The following MYOF variants were observed in gnomAD, a reference collection of about 807,000 sequenced individuals.
MYOF encodes the protein fer-1-like 3, myoferlin.
A neutral mutation model predicts 284.2 loss-of-function variants in MYOF; 244 were observed. That is an observed-to-expected ratio of 0.86 (90% CI 0.77 to 0.95). MYOF has a LOEUF of 0.95. Ranked by LOEUF, MYOF falls within the 40% of genes least tolerant of loss-of-function variation. The pLI is 0.00. For synonymous variants in MYOF, 904 were observed against 919.7 expected (o/e 0.98, Z 0.31); for missense variants, 2,496 against 2,560.6 (o/e 0.97, Z 0.54).
At chr10:93,329,535 T>G in intron 44 of MYOF, 129 bp downstream of exon 44, 1 of 898,144 alleles carries the variant, frequency 1.1e-6, no homozygotes, top group Non-Finnish European at 1.6e-6. Flanking sequence ...ATCCTGCGAT[T>G]GAAATCCATA....
chr10:93,480,888 C>T (rs951921200), intron 1 of MYOF, among the ~76,000 whole-genome samples: 1 of 152,084 alleles, frequency 6.6e-6, no homozygotes, highest in African/African-American at 2.4e-5. Context: ...GGTATAGATG[C>T]CTCAGGAACT....
At position 93,340,144 on chromosome 10, in the gene MYOF, C is replaced by T; in HGVS notation, c.4338+9G>A. On this transcript the variant is annotated intron_variant, in intron 39 of 53. Coordinates refer to ENST00000359263, the MANE Select transcript of MYOF (RefSeq NM_013451.4). Reference sequence around the variant, plus strand: ...ATCTTAAATGTAGCAAAATGTATACCATAGTTACCTTTTCTGTCAGCTGCT... The same window carrying T: ...ATCTTAAATGTAGCAAAATGTATACTATAGTTACCTTTTCTGTCAGCTGCT... 1.2e-6 allele frequency: 2 copies of T among 1,613,578 alleles called. No individual in the cohort carries two copies. Among genetic ancestry groups the T allele is most frequent in the Non-Finnish European group, 1.7e-6 (2 of 1,179,744 alleles).
At chr10:93,364,121 C>T (rs762413383) in intron 26 of MYOF, 46 bp from the exon 27 acceptor site, 27 of 1,525,106 alleles carry the variant, frequency 1.8e-5, no homozygotes, top group Middle Eastern at 1.7e-4. Context: ...ACCGGGTAAC[C>T]GGCAGCCTCG....
chr10:93,316,690 CAAT>C (rs762892713), intron 50 of MYOF, 21 bp downstream of exon 50: 1 of 1,565,450 alleles, frequency 6.4e-7, no homozygotes, highest in African/African-American at 1.4e-5. Flanking sequence ...TTCTTAGAAA[CAAT>C]GATCCAAATG....
At chr10:93,346,400 G>T (rs76521647) in intron 37 of MYOF, among the ~76,000 whole-genome samples, 5 of 152,234 alleles carry the variant, frequency 3.3e-5, no homozygotes, top group Non-Finnish European at 5.9e-5. Context: ...AGGATCAGCC[G>T]AATGAGGCTG....
chr10:93,452,884 C>T (rs2056634730), intron 2 of MYOF, among the ~76,000 whole-genome samples: 2 of 151,970 alleles, frequency 1.3e-5, no homozygotes, highest in South Asian at 2.1e-4. Flanking sequence ...CCACCATGGT[C>T]GGTCAATGCT....
chr10:93,333,462 GC>G (rs1843433621), intron 42 of MYOF, 150 bp from the exon 43 acceptor site: 9 of 705,656 alleles, frequency 1.3e-5, no homozygotes, highest in Non-Finnish European at 2.0e-5. Flanking sequence ...AGGGAGCAAT[GC>G]TCTCCTTTGG....
chr10:93,414,317 A>T (rs1024157115), intron 5 of MYOF, among the ~76,000 whole-genome samples: 7 of 151,962 alleles, frequency 4.6e-5, no homozygotes, highest in African/African-American at 1.5e-4. Context: ...CGGGTGGATC[A>T]CCTGAGGCCA....
chr10:93,409,798 G>T (rs938289483), intron 5 of MYOF, 59 bp from the exon 6 acceptor site: 76 of 1,584,168 alleles, frequency 4.8e-5, no homozygotes, highest in Non-Finnish European at 6.3e-5. Context: ...ATGTCCAAAG[G>T]CTCAGGTTTC....
At chr10:93,377,225 G>A in intron 22 of MYOF, 98 bp downstream of exon 22, 1 of 896,058 alleles carries the variant, frequency 1.1e-6, no homozygotes, top group Non-Finnish European at 1.8e-6. Context: ...TCACTTCTTA[G>A]ACAAACACTA....
intron 19 of MYOF, among the ~76,000 whole-genome samples, chr10:93,385,827 C>A (rs1298114230): frequency 6.9e-6 from 1 of 145,140 alleles, no homozygotes. Flanking sequence ...ATACTGTGGG[C>A]AATATATATT....
At chr10:93,381,082 T>G in intron 20 of MYOF, 137 bp downstream of exon 20, 1 of 979,494 alleles carries the variant, frequency 1.0e-6, no homozygotes, top group Non-Finnish European at 1.5e-6. Flanking sequence ...CCACACTCTC[T>G]TCCTCATTCA....
intron 32 of MYOF, 47 bp from the exon 33 acceptor site, chr10:93,351,893 A>C: frequency 6.7e-7 from 1 of 1,494,588 alleles, no homozygotes; most frequent in Non-Finnish European, 9.0e-7. Flanking sequence ...CTAAAATCTA[A>C]CTCCCCAGAA....
chr10:93,363,074 G>C (rs1431969979), intron 27 of MYOF, among the ~76,000 whole-genome samples: 1 of 151,996 alleles, frequency 6.6e-6, no homozygotes, highest in Non-Finnish European at 1.5e-5. Context: ...AATTATAGTA[G>C]GTACATATAA....
intron 19 of MYOF, among the ~76,000 whole-genome samples, chr10:93,387,226 G>T (rs1314165493): frequency 6.6e-6 from 1 of 152,236 alleles, no homozygotes; most frequent in Non-Finnish European, 1.5e-5. Context: ...GGGGCAGCTG[G>T]GGGGCTGGCG....
Position 93,470,704 on chromosome 10 carries a change from C to T in MYOF, c.88+11403G>A, listed in dbSNP as rs551072453. Among the ~76,000 whole-genome samples, 5 of 152,300 alleles carry T rather than the reference C, an allele frequency of 3.3e-5. No homozygotes were observed. In the South Asian group the frequency reaches 1.0e-3, roughly 32 times the overall value. ...GGTGTGAGCCACCACACCCAGCCTA[C>T]ACTCTTAATTCACTGAACGCTGGCC... is the stretch of plus-strand genomic sequence containing the variant. On this transcript the variant is annotated intron_variant, in intron 1 of 53. Transcript: ENST00000359263.
chr10:93,338,374 G>A (rs1033338787), intron 39 of MYOF: 3 of 456,706 alleles, frequency 6.6e-6, no homozygotes, highest in Non-Finnish European at 8.8e-6. Context: ...TTTAATTCAA[G>A]TTCCTTCCTT....
chr10:93,351,725 G>A lies in MYOF; in HGVS notation c.3603C>T (p.Pro1201=). Residue 1201 remains proline (P), a synonymous_variant, in exon 33 of 54, where the codon CCC becomes CCT. Coordinates refer to ENST00000359263, the MANE Select transcript of MYOF (RefSeq NM_013451.4). ...TGGGTGGATTCTGTAGAACTGTTTG[G>A]GGTTCCCCATAGATTTCAACTTCAT... ...IFDEVEIYGE[P]QTVLQNPPKV... 6 of 1,599,468 alleles carry A rather than the reference G, an allele frequency of 3.8e-6. No individual in the cohort carries two copies. The highest frequency in any genetic ancestry group is 5.1e-6 in the Non-Finnish European group (6 of 1,176,142).
intron 29 of MYOF, 120 bp downstream of exon 29, chr10:93,359,713 G>T: frequency 7.5e-7 from 1 of 1,337,922 alleles, no homozygotes; most frequent in Non-Finnish European, 1.0e-6. Context: ...GAGAACCCTT[G>T]AGTGGAGTGT....
Sources: allele counts gnomAD v4.1 joint callset (sites outside exome capture counted in the v4.1 genomes callset), GRCh38; gene constraint gnomAD v4.1.1; transcripts MANE v1.5; gene names NCBI Gene and HGNC (gene_info 2026-07-23, HGNC 2026-07-21).